The following SHMT2 variants were observed in gnomAD, a reference collection of about 807,000 sequenced individuals.
SHMT2 encodes the protein serine hydroxymethyltransferase, mitochondrial.
In SHMT2, 38 loss-of-function variants were observed where a neutral mutation model predicts 59.6. The observed-to-expected ratio is 0.64, with a 90% CI of 0.49 to 0.84. SHMT2 has a LOEUF of 0.84. SHMT2 is among the 40% of genes least tolerant of loss of function. The pLI, the probability that SHMT2 is intolerant of heterozygous loss-of-function variation, is 0.00. For synonymous variants in SHMT2, 254 were observed against 258.1 expected (o/e 0.98, Z 0.15); for missense variants, 533 against 659.5 (o/e 0.81, Z 2.10).
rs2037462064 is a variant in SHMT2, at chr12:57,234,264, T to C, written c.1418T>C (p.Leu473Pro). 1 of 1,613,668 alleles carries C rather than the reference T, an allele frequency of 6.2e-7. No individual in the cohort carries two copies. The highest frequency in any genetic ancestry group is 1.1e-5 in the South Asian group (1 of 91,042). ...CTCCAGGATTTCAAATCCTTCCTGC[T>C]TAAGGACTCAGAAACAAGTCAGCGT... ...AKLQDFKSFLLKDSETSQRLA... is the reference protein window; with the variant it reads ...AKLQDFKSFLPKDSETSQRLA... The change falls in exon 12 of 12, where the codon CTT becomes CCT. Residue 473 changes from leucine to proline, a missense_variant. By Grantham distance (98) the Leu-to-Pro change is moderately conservative. Transcript: ENST00000328923.
In SHMT2 at chr12:57,229,761, T is replaced by TAG. The variant is rs2037237144; in HGVS notation, c.-18_-17insAG. The TAG allele has an allele frequency of 4.3e-6, 7 of 1,614,026 alleles. No homozygotes were observed. The highest frequency in any genetic ancestry group is 1.7e-5 in the Admixed American group (1 of 60,002). ...GACCAGAGTTGGTGGCTGGACCTCC[T>TAG]GCGACTTCCGAGTTGCGATGCTGTA... On this transcript the variant is annotated 5_prime_UTR_variant, in exon 1 of 12. Transcript: ENST00000328923.
rs2037473697 is a variant in SHMT2, at chr12:57,234,514, G to A, written c.*153G>A. ...GGTATAGTCTCCCTTCCCAGAATTT[G>A]TAACTGAGAAGATCTTTTCTTTTTC... is the stretch of plus-strand genomic sequence containing the variant. On this transcript the variant is annotated 3_prime_UTR_variant, in exon 12 of 12. Coordinates refer to ENST00000328923, the MANE Select transcript of SHMT2 (RefSeq NM_005412.6). 1.3e-6 allele frequency: 1 copy of A among 745,952 alleles called. No homozygotes were observed. Among genetic ancestry groups the A allele is most frequent in the African/African-American group, 1.8e-5 (1 of 55,638 alleles). 46.2% of individuals were successfully genotyped at this position (745,952 alleles called of 1,614,324 possible).
intron 1 of SHMT2, 157 bp downstream of exon 1, chr12:57,229,968 C>A: frequency 1.4e-6 from 2 of 1,455,866 alleles, no homozygotes; most frequent in Non-Finnish European, 1.8e-6. Context: ...CCCCAAGACC[C>A]CTGGGCGCGC....
rs1383517361 is a variant in SHMT2 at position 57,234,282 on chromosome 12, G to T, written c.1436G>T (p.Ser479Ile). Reference protein sequence around the residue: ...KSFLLKDSETSQRLANLRQRV... With the variant: ...KSFLLKDSETIQRLANLRQRV... ...TTCCTGCTTAAGGACTCAGAAACAA[G>T]TCAGCGTCTGGCCAACCTCAGGCAA... The change falls in exon 12 of 12, where the codon AGT (serine) becomes ATT (isoleucine). Residue 479 changes from serine to isoleucine, a missense_variant. Physicochemically the swap from Ser to Ile is moderately radical, Grantham distance 142. Transcript: ENST00000328923. 6.2e-7 allele frequency: 1 copy of T among 1,613,890 alleles called. No individual in the cohort carries two copies. Among genetic ancestry groups the T allele is most frequent in the Non-Finnish European group, 8.5e-7 (1 of 1,179,876 alleles).
At position 57,234,057 on chromosome 12, in the gene SHMT2, T is replaced by A; in HGVS notation, c.1334T>A (p.Val445Glu). 1 of 1,614,180 alleles carries A rather than the reference T, an allele frequency of 6.2e-7. No homozygotes were observed. Residue 445 changes from valine to glutamate, a missense_variant, in exon 11 of 12, where the codon GTG becomes GAG. Transcript: ENST00000328923. ...QFREDDFRRV[V>E]DFIDEGVNIG... Reference sequence around the variant, plus strand: ...CGTGAGGATGACTTCCGGAGAGTTGTGGACTTTATAGATGAAGGGGTCAAC... The same window carrying A: ...CGTGAGGATGACTTCCGGAGAGTTGAGGACTTTATAGATGAAGGGGTCAAC...
At chr12:57,231,156 C>A in intron 2 of SHMT2, 156 bp downstream of exon 2, 1 of 762,952 alleles carries the variant, frequency 1.3e-6, no homozygotes, top group Non-Finnish European at 2.2e-6. Context: ...AAAGGCAGTG[C>A]AAGTCCAGTT....
chr12:57,231,617 A>T, intron 3 of SHMT2, 57 bp downstream of exon 3: 3 of 1,611,346 alleles, frequency 1.9e-6, no homozygotes, highest in Admixed American at 3.3e-5. Context: ...ACCCACCTGT[A>T]CCTTCCCAGT....
chr12:57,230,425 C>A (rs1476294798), intron 1 of SHMT2: 3 of 1,157,098 alleles, frequency 2.6e-6, no homozygotes, highest in Non-Finnish European at 3.2e-6. Context: ...ACTGGGGTAT[C>A]AGTTTATGGT....
Position 57,233,217 on chromosome 12 carries a change from GT to G in SHMT2, c.896del (p.Val299GlyfsTer37). On this transcript the variant is annotated frameshift_variant, in exon 8 of 12. Coordinates refer to ENST00000328923, the MANE Select transcript of SHMT2 (RefSeq NM_005412.6). LOFTEE classifies it high-confidence loss of function. ...CTTCTACCGGAAAGGGGTGAAGGCT[GT>G]GGACCCCAAGACTGGCCGGGAGATC... is the stretch of plus-strand genomic sequence containing the variant. ...LIFYRKGVKA[V>X]DPKTGREIPY... is the part of the protein sequence containing the mutation. 1 of 1,597,800 alleles carries G rather than the reference GT, an allele frequency of 6.3e-7. No homozygotes were observed. The highest frequency in any genetic ancestry group is 8.5e-7 in the Non-Finnish European group (1 of 1,171,006).
intron 1 of SHMT2, chr12:57,230,454 C>T (rs2037266680): frequency 1.7e-6 from 2 of 1,195,124 alleles, no homozygotes; most frequent in Non-Finnish European, 2.1e-6. Context: ...GGAAGACCCT[C>T]TTGTTCCTGT....
rs530949491 is a variant in SHMT2, at chr12:57,233,235, C to T, written c.913C>T (p.Arg305Trp). Residue 305 changes from arginine (R) to tryptophan (W), a missense_variant, in exon 8 of 12, where the codon CGG (arginine) becomes TGG (tryptophan). By Grantham distance (101) the Arg-to-Trp change is moderately radical. Coordinates refer to ENST00000328923, the MANE Select transcript of SHMT2 (RefSeq NM_005412.6). ...GAAGGCTGTGGACCCCAAGACTGGC[C>T]GGGAGATCCCTTACACATTTGAGGA... ...GVKAVDPKTG[R>W]EIPYTFEDRI... 9.4e-5 allele frequency: 151 copies of T among 1,606,390 alleles called. No homozygotes were observed. Among genetic ancestry groups the T allele is most frequent in the Non-Finnish European group, 1.2e-4 (146 of 1,175,334 alleles).
chr12:57,231,625 A>G (rs2037321177), intron 3 of SHMT2, 65 bp downstream of exon 3: 3 of 1,610,854 alleles, frequency 1.9e-6, no homozygotes, highest in Non-Finnish European at 2.5e-6. Context: ...GTACCTTCCC[A>G]GTGTTCATTG....
Position 57,232,595 on chromosome 12 carries a change from G to C in SHMT2, c.717+20G>C, listed in dbSNP as rs1812131980. The C allele has an allele frequency of 1.2e-6, 2 of 1,613,968 alleles. No individual in the cohort carries two copies. Among genetic ancestry groups the C allele is most frequent in the Non-Finnish European group, 1.7e-6 (2 of 1,179,934 alleles). The stretch of plus-strand genomic sequence containing the variant: ...AGAGAGGTTGGTGGGGGGGGCTGGA[G>C]ACTGGGCACCTCCCCAGGGGGTGGT... On this transcript the variant is annotated intron_variant, in intron 6 of 11. Coordinates refer to ENST00000328923, the MANE Select transcript of SHMT2 (RefSeq NM_005412.6).
chr12:57,229,733 C>T lies in SHMT2; in HGVS notation c.-46C>T. On this transcript the variant is annotated 5_prime_UTR_variant, in exon 1 of 12. Transcript: ENST00000328923. ...GGTCTTCTTCCGACAGCTTGCTGCCCTAGACCAGAGTTGGTGGCTGGACCT... is the reference window on the plus strand; with the variant it reads ...GGTCTTCTTCCGACAGCTTGCTGCCTTAGACCAGAGTTGGTGGCTGGACCT... 1 of 1,613,364 alleles carries T rather than the reference C, an allele frequency of 6.2e-7. No homozygotes were observed. The highest frequency in any genetic ancestry group is 1.3e-5 in the African/African-American group (1 of 75,060).
rs2037423296 is a variant in SHMT2 at position 57,233,616 on chromosome 12, G to A, written c.1077G>A (p.Arg359=). ...EYSLQVLKNA[R]AMADALLERG... is the part of the protein sequence containing the mutation. ...CCCTGCAGGTTCTGAAGAATGCTCG[G>A]GCCATGGCAGATGCCCTGCTAGAGC... Residue 359 remains arginine (R), a synonymous_variant, in exon 9 of 12, where the codon CGG becomes CGA. Transcript: ENST00000328923. 3 of 1,614,104 alleles carry A rather than the reference G, an allele frequency of 1.9e-6. No homozygotes were observed. The highest frequency in any genetic ancestry group is 2.5e-6 in the Non-Finnish European group (3 of 1,179,976).
chr12:57,234,399 C>G lies in SHMT2; in HGVS notation c.*38C>G. Reference sequence around the variant, plus strand: ...AATGAGGCCCACAGACTCAAAGTTACTCTCCTTCCCCCTACCTGGGCCAGT... The same window carrying G: ...AATGAGGCCCACAGACTCAAAGTTAGTCTCCTTCCCCCTACCTGGGCCAGT... On this transcript the variant is annotated 3_prime_UTR_variant, in exon 12 of 12. Coordinates refer to ENST00000328923, the MANE Select transcript of SHMT2 (RefSeq NM_005412.6). 1 of 1,537,756 alleles carries G rather than the reference C, an allele frequency of 6.5e-7. No individual in the cohort carries two copies. Among genetic ancestry groups the G allele is most frequent in the Non-Finnish European group, 8.7e-7 (1 of 1,142,998 alleles).
Position 57,233,766 on chromosome 12 carries a change from C to A in SHMT2, c.1141C>A (p.Leu381Met). ...CACCTTAGGTGGTACTGACAACCAC[C>A]TGGTGCTGGTGGACCTGCGGCCCAA... Reference protein sequence around the residue: ...SLVSGGTDNHLVLVDLRPKGL... With the variant: ...SLVSGGTDNHMVLVDLRPKGL... Residue 381 changes from leucine to methionine, a missense_variant, in exon 10 of 12, where the codon CTG becomes ATG. Physicochemically the swap from Leu to Met is conservative, Grantham distance 15. Coordinates refer to ENST00000328923, the MANE Select transcript of SHMT2 (RefSeq NM_005412.6). 6.2e-7 allele frequency: 1 copy of A among 1,614,242 alleles called. No homozygotes were observed. Among genetic ancestry groups the A allele is most frequent in the African/African-American group, 1.3e-5 (1 of 75,082 alleles).
At position 57,230,825 on chromosome 12, in the gene SHMT2, T is replaced by C. The variant is rs1333432063; in HGVS notation, c.56T>C (p.Leu19Pro). The change falls in exon 2 of 12, where the codon CTG (leucine) becomes CCG (proline). Residue 19 changes from leucine to proline, a missense_variant. Coordinates refer to ENST00000328923, the MANE Select transcript of SHMT2 (RefSeq NM_005412.6). Reference protein sequence around the residue: ...AARPLQRCGQLVRMAIRAQHS... With the variant: ...AARPLQRCGQPVRMAIRAQHS... ...CAGCCTCTGCAGAGATGTGGGCAGC[T>C]GGTCAGGATGGCCATTCGGGCTCAG... is the stretch of plus-strand genomic sequence containing the variant. 19 of 1,613,968 alleles carry C rather than the reference T, an allele frequency of 1.2e-5. No individual in the cohort carries two copies. The highest frequency in any genetic ancestry group is 1.4e-5 in the Non-Finnish European group (17 of 1,180,002).
rs781143002 is a variant in SHMT2 at position 57,231,720 on chromosome 12, G to A, written c.319G>A (p.Gly107Arg). Residue 107 changes from glycine to arginine, a missense_variant, in exon 4 of 12, where the codon GGG (glycine) becomes AGG (arginine). Physicochemically the swap from Gly to Arg is moderately radical, Grantham distance 125. Coordinates refer to ENST00000328923, the MANE Select transcript of SHMT2 (RefSeq NM_005412.6). ...SEGYPGKRYY[G>R]GAEVVDEIEL... Reference sequence around the variant, plus strand: ...ACCCCTCTCCCACGGCAGATACTATGGGGGAGCAGAGGTGGTGGATGAAAT... The same window carrying A: ...ACCCCTCTCCCACGGCAGATACTATAGGGGAGCAGAGGTGGTGGATGAAAT... The A allele has an allele frequency of 1.1e-5, 17 of 1,614,074 alleles. No individual in the cohort carries two copies. The highest frequency in any genetic ancestry group is 1.4e-5 in the Non-Finnish European group (16 of 1,180,016).
Sources: allele counts gnomAD v4.1 joint callset, GRCh38; gene constraint gnomAD v4.1.1; transcripts MANE v1.5; gene names NCBI Gene and HGNC (gene_info 2026-07-23, HGNC 2026-07-21).